Variants in PDK1 observed in about 807,000 individuals in gnomAD.
PDK1 encodes [Pyruvate dehydrogenase (acetyl-transferring)] kinase isozyme 1, mitochondrial.
PDK1 carries 39 observed loss-of-function variants against 54.2 expected under a neutral mutation model. The ratio of observed to expected loss-of-function variants is 0.72; its 90% CI spans 0.56 to 0.94. The LOEUF (loss-of-function observed/expected upper bound fraction) is 0.94, where lower values mean the gene tolerates loss of function less well. Ranked by LOEUF, PDK1 falls within the 40% of genes least tolerant of loss-of-function variation. The pLI is 0.00. For synonymous variants in PDK1, 221 were observed against 207.1 expected (o/e 1.07, Z -0.58); for missense variants, 552 against 566.0 (o/e 0.98, Z 0.25).
At chr2:172,614,749 C>T in the PDK1 span, among the ~76,000 whole-genome samples, 43 of 152,328 alleles carry the variant, frequency 2.8e-4, 1 homozygote, top group African/African-American at 9.1e-4. Flanking sequence ...CCTCATTCTT[C>T]CCTGGATGGA....
chr2:172,646,883 A>G, the PDK1 span, among the ~76,000 whole-genome samples: 1 of 152,022 alleles, frequency 6.6e-6, no homozygotes, highest in South Asian at 2.1e-4. Flanking sequence ...GATTATAGGC[A>G]TGTGCCACCA....
the PDK1 span, among the ~76,000 whole-genome samples, chr2:172,633,507 T>A: frequency 3.3e-5 from 5 of 151,398 alleles, no homozygotes; most frequent in Admixed American, 6.6e-5. Context: ...CTGATTCTGA[T>A]AATTTATAGT....
the PDK1 span, among the ~76,000 whole-genome samples, chr2:172,664,311 CAAAAAAAA>C: frequency 2.3e-5 from 1 of 44,174 alleles, no homozygotes. Context: ...AACTCTGCCT[CAAAAAAAA>C]AAAAAAAAAA....
At chr2:172,703,628 G>A in the PDK1 span, among the ~76,000 whole-genome samples, 2 of 151,954 alleles carry the variant, frequency 1.3e-5, no homozygotes, top group East Asian at 1.9e-4. Context: ...AATTTTAGCC[G>A]AGGGAAGCCA....
At chr2:172,659,768 G>A in the PDK1 span, among the ~76,000 whole-genome samples, 1 of 152,136 alleles carries the variant, frequency 6.6e-6, no homozygotes, top group Non-Finnish European at 1.5e-5. Flanking sequence ...AGGCTCTCCT[G>A]GCTCCAAACG....
chr2:172,707,640 C>T, the PDK1 span, among the ~76,000 whole-genome samples: 1 of 152,132 alleles, frequency 6.6e-6, no homozygotes, highest in Non-Finnish European at 1.5e-5. Context: ...CTTCTTCACT[C>T]CACCTTTCAG....
intron 8 of PDK1, among the ~76,000 whole-genome samples, chr2:172,571,833 T>G (rs1689282051): frequency 7.5e-6 from 1 of 132,984 alleles, no homozygotes; most frequent in Non-Finnish European, 1.6e-5. Flanking sequence ...CTTTTTTTTT[T>G]TTTTTTTTTT....
chr2:172,672,632 A>T, the PDK1 span, among the ~76,000 whole-genome samples: 6,646 of 146,360 alleles, frequency 0.045, 433 homozygotes, highest in African/African-American at 0.15. Flanking sequence ...TTTTTTTTTT[A>T]AAAAACAAGA....
chr2:172,593,521 A>G (rs1690722835), intron 10 of PDK1, among the ~76,000 whole-genome samples: 1 of 152,216 alleles, frequency 6.6e-6, no homozygotes, highest in East Asian at 1.9e-4. Context: ...TCCTTTACAG[A>G]TACCTCCTGA....
At chr2:172,668,279 T>C in the PDK1 span, among the ~76,000 whole-genome samples, 18 of 61,622 alleles carry the variant, frequency 2.9e-4, 1 homozygote, top group East Asian at 8.4e-3. Flanking sequence ...TCTTTCTTTA[T>C]TTTTTTTTTT....
At chr2:172,588,817 G>A (rs1236612856) in intron 9 of PDK1, among the ~76,000 whole-genome samples, 1 of 152,194 alleles carries the variant, frequency 6.6e-6, no homozygotes, top group Admixed American at 6.5e-5. Context: ...TCTTCACACT[G>A]TAAGTCCGGA....
chr2:172,618,131 A>G, the PDK1 span, among the ~76,000 whole-genome samples: 1 of 152,190 alleles, frequency 6.6e-6, no homozygotes, highest in Non-Finnish European at 1.5e-5. Context: ...AAGTCTGCAT[A>G]TAAAATAAAA....
At chr2:172,577,680 T>C (rs1233636646) in intron 8 of PDK1, among the ~76,000 whole-genome samples, 3 of 152,132 alleles carry the variant, frequency 2.0e-5, no homozygotes, top group Non-Finnish European at 4.4e-5. Flanking sequence ...CCAATTTGCT[T>C]TCAATAGTAT....
the PDK1 span, among the ~76,000 whole-genome samples, chr2:172,662,696 A>C: frequency 1.3e-5 from 2 of 152,198 alleles, no homozygotes; most frequent in Admixed American, 1.3e-4. Context: ...TAAAACAAAC[A>C]AGTGACAAAT....
chr2:172,689,707 C>A, the PDK1 span, among the ~76,000 whole-genome samples: 2 of 152,162 alleles, frequency 1.3e-5, no homozygotes, highest in Non-Finnish European at 2.9e-5. Context: ...ACATCTACAA[C>A]CCTCTGATCT....
At chr2:172,615,115 C>A in the PDK1 span, among the ~76,000 whole-genome samples, 1 of 152,148 alleles carries the variant, frequency 6.6e-6, no homozygotes, top group Admixed American at 6.5e-5. Context: ...TGACGTGCTC[C>A]CTGCCGCAAG....
At chr2:172,655,138 C>A in the PDK1 span, among the ~76,000 whole-genome samples, 196 of 152,310 alleles carry the variant, frequency 1.3e-3, no homozygotes, top group African/African-American at 4.5e-3. Flanking sequence ...AGCCTGCAGC[C>A]CTGCCCACGT....
intron 2 of PDK1, 26 bp from the exon 3 acceptor site, chr2:172,562,194 A>T: frequency 7.7e-7 from 1 of 1,290,746 alleles, no homozygotes; most frequent in Non-Finnish European, 1.1e-6. Flanking sequence ...AAAAGAACAA[A>T]CTTATCCTAT....
chr2:172,709,638 A>G, the PDK1 span, among the ~76,000 whole-genome samples: 230 of 152,346 alleles, frequency 1.5e-3, no homozygotes, highest in African/African-American at 5.3e-3. Flanking sequence ...AAATAACAGC[A>G]GTCACCCAAC....
Sources: allele counts gnomAD v4.1 joint callset (sites outside exome capture counted in the v4.1 genomes callset), GRCh38; gene constraint gnomAD v4.1.1; transcripts MANE v1.5; gene names NCBI Gene and HGNC (gene_info 2026-07-23, HGNC 2026-07-21).